The following CHN2 variants were observed in gnomAD, a reference collection of about 807,000 sequenced individuals.
CHN2 encodes the protein chimerin 2, also known as beta-chimaerin.
In CHN2, 35 loss-of-function variants were observed where a neutral mutation model predicts 56.3. The ratio of observed to expected loss-of-function variants is 0.62; its 90% CI spans 0.47 to 0.82. CHN2 has a LOEUF of 0.82. Among genes scored for constraint, CHN2 ranks in the 40% least tolerant of loss-of-function variants. The probability of loss-of-function intolerance (pLI) is 0.00; values close to 1 mark genes in which losing one functional copy is unlikely to be tolerated. For synonymous variants in CHN2, 210 were observed against 212.8 expected, an observed-to-expected ratio of 0.99 and a Z score of 0.12; for missense variants, 491 against 580.5, an observed-to-expected ratio of 0.85 and a Z score of 1.58.
At chr7:29,171,473 G>A (rs1323913455) in intron 2 of CHN2, among the ~76,000 whole-genome samples, 1 of 152,110 alleles carries the variant, frequency 6.6e-6, no homozygotes, top group Non-Finnish European at 1.5e-5. Context: ...AATAGGGTGG[G>A]GATCCCAGAC....
chr7:29,190,963 C>T (rs918348462), upstream of CHN2, among the ~76,000 whole-genome samples: 1 of 151,918 alleles, frequency 6.6e-6, no homozygotes. Flanking sequence ...GAGACAGGGC[C>T]TCACTCTGTC....
chr7:29,483,894 T>G (rs1787648118), intron 7 of CHN2: 1 of 1,302,748 alleles, frequency 7.7e-7, no homozygotes, highest in Non-Finnish European at 1.0e-6. Flanking sequence ...TCTCTCTGCC[T>G]CAGTTCCCTC....
intron 6 of CHN2, among the ~76,000 whole-genome samples, chr7:29,423,527 G>A (rs1006648233): frequency 1.9e-4 from 29 of 152,220 alleles, no homozygotes; most frequent in African/African-American, 6.8e-4. Flanking sequence ...CTTGCATCCT[G>A]TGCATGCCAC....
intron 7 of CHN2, chr7:29,483,785 C>G: frequency 2.6e-6 from 3 of 1,143,992 alleles, no homozygotes; most frequent in South Asian, 1.9e-5. Flanking sequence ...GCCCGGCAGT[C>G]GGCTTGCTCG....
intron 2 of CHN2, among the ~76,000 whole-genome samples, chr7:29,170,782 T>TG (rs370952877): frequency 1.9e-3 from 287 of 152,112 alleles, no homozygotes; most frequent in African/African-American, 6.2e-3. Context: ...ATATGGCTGG[T>TG]GGGGGGGCCT....
chr7:29,252,590 T>TG (rs1554378158), intron 1 of CHN2, among the ~76,000 whole-genome samples: 972 of 31,892 alleles, frequency 0.03, 194 homozygotes, highest in African/African-American at 0.16. Flanking sequence ...TTTTTTTTTT[T>TG]TTTTTTTTTT....
chr7:29,480,912 A>G (rs1787142244), intron 7 of CHN2, among the ~76,000 whole-genome samples: 1 of 152,216 alleles, frequency 6.6e-6, no homozygotes, highest in African/African-American at 2.4e-5. Flanking sequence ...CCTTGGTCAC[A>G]GCCTTTATCC....
chr7:29,452,008 A>G (rs1237928754), intron 6 of CHN2, among the ~76,000 whole-genome samples: 1 of 152,238 alleles, frequency 6.6e-6, no homozygotes, highest in Non-Finnish European at 1.5e-5. Flanking sequence ...CAGGGTCCTT[A>G]GGGTCCTGGG....
chr7:29,494,211 G>A (rs1321715950), intron 7 of CHN2, among the ~76,000 whole-genome samples: 7 of 152,004 alleles, frequency 4.6e-5, no homozygotes. Context: ...TCTGGTTAAG[G>A]TTGGGCCCCA....
At chr7:29,486,693 C>T (rs779431118) in intron 7 of CHN2, among the ~76,000 whole-genome samples, 2 of 152,056 alleles carry the variant, frequency 1.3e-5, no homozygotes, top group Non-Finnish European at 2.9e-5. Context: ...AGGAGCACCC[C>T]GTTCCCATGG....
chr7:29,221,460 T>C (rs996884295), intron 1 of CHN2, among the ~76,000 whole-genome samples: 2 of 152,210 alleles, frequency 1.3e-5, no homozygotes, highest in African/African-American at 2.4e-5. Flanking sequence ...TCTTTTTTTT[T>C]CCTTCAACTT....
At chr7:29,179,716 A>T (rs1459948088) in intron 2 of CHN2, among the ~76,000 whole-genome samples, 6 of 152,120 alleles carry the variant, frequency 3.9e-5, no homozygotes, top group Admixed American at 2.0e-4. Context: ...ATTACAAAAT[A>T]CTTAATAGCT....
chr7:29,247,914 T>G (rs1003851787), intron 1 of CHN2, among the ~76,000 whole-genome samples: 5 of 152,228 alleles, frequency 3.3e-5, no homozygotes, highest in Admixed American at 6.5e-5. Context: ...GTCATCATTT[T>G]TATAGAAACA....
At chr7:29,221,783 A>G (rs1785816714) in intron 1 of CHN2, among the ~76,000 whole-genome samples, 1 of 152,162 alleles carries the variant, frequency 6.6e-6, no homozygotes, top group Admixed American at 6.5e-5. Context: ...CCTGCAGAGG[A>G]CATGATCTCA....
intron 10 of CHN2, among the ~76,000 whole-genome samples, chr7:29,506,552 G>A (rs1303795484): frequency 1.3e-5 from 2 of 152,134 alleles, no homozygotes; most frequent in African/African-American, 4.8e-5. Context: ...CACGAGAATT[G>A]CTTGAACCCA....
intron 1 of CHN2, among the ~76,000 whole-genome samples, chr7:29,259,574 G>C (rs1375204231): frequency 2.0e-5 from 3 of 151,776 alleles, no homozygotes; most frequent in African/African-American, 7.3e-5. Flanking sequence ...CTTTTATATT[G>C]GTACTATTTG....
intron 6 of CHN2, among the ~76,000 whole-genome samples, chr7:29,469,368 G>A (rs953004564): frequency 6.6e-5 from 10 of 152,298 alleles, no homozygotes; most frequent in African/African-American, 2.4e-4. Context: ...CTTTTGTAAA[G>A]TCATTCAGAT....
chr7:29,184,367 A>G (rs1435052436), intron 2 of CHN2: 2 of 152,052 alleles, frequency 1.3e-5, no homozygotes, highest in Admixed American at 6.6e-5. Context: ...GAGAAAATAT[A>G]TGACTGTATG....
chr7:29,339,658 A>G (rs144968349), intron 1 of CHN2, among the ~76,000 whole-genome samples: 4,503 of 152,058 alleles, frequency 0.03, 217 homozygotes, highest in African/African-American at 0.1. Context: ...TTCAAGACCA[A>G]CCTGGCCAAC....
Sources: allele counts gnomAD v4.1 joint callset (sites outside exome capture counted in the v4.1 genomes callset), GRCh38; gene constraint gnomAD v4.1.1; transcripts MANE v1.5; gene names NCBI Gene and HGNC (gene_info 2026-07-23, HGNC 2026-07-21).